RASEF: variants seen among roughly 807,000 people sequenced by gnomAD.
RASEF encodes the protein ras and EF-hand domain-containing protein.
Under a neutral mutation model 90.1 loss-of-function variants are expected in RASEF, and 68 were observed. The observed-to-expected ratio is 0.75, with a 90% confidence interval of 0.62 to 0.92. The LOEUF (loss-of-function observed/expected upper bound fraction) is 0.92, where lower values mean the gene tolerates loss of function less well. Among genes scored for constraint, RASEF ranks in the 40% least tolerant of loss-of-function variants. The probability of loss-of-function intolerance (pLI) is 0.00; values close to 1 mark genes in which losing one functional copy is unlikely to be tolerated. For synonymous variants in RASEF, 331 were observed against 345.2 expected (o/e 0.96, Z 0.46); for missense variants, 949 against 937.2 (o/e 1.01, Z -0.16).
At chr9:83,072,684 T>C in the RASEF span, among the ~76,000 whole-genome samples, 1 of 152,202 alleles carries the variant, frequency 6.6e-6, no homozygotes, top group East Asian at 1.9e-4. Flanking sequence ...AGCATCTAGC[T>C]TGGGAAATAG....
the RASEF span, among the ~76,000 whole-genome samples, chr9:83,069,808 A>G: frequency 3.9e-5 from 6 of 152,230 alleles, no homozygotes; most frequent in African/African-American, 1.4e-4. Context: ...CAGTTGCTCC[A>G]CATTCTTGTC....
chr9:83,161,688 C>T, the RASEF span, among the ~76,000 whole-genome samples: 2 of 151,162 alleles, frequency 1.3e-5, no homozygotes, highest in Non-Finnish European at 3.0e-5. Context: ...GGGACAGGGG[C>T]CAAATGATAG....
At chr9:83,147,376 G>A in the RASEF span, among the ~76,000 whole-genome samples, 14 of 152,076 alleles carry the variant, frequency 9.2e-5, no homozygotes, top group African/African-American at 1.4e-4. Flanking sequence ...GAAGGTCGGC[G>A]CATATTAAAA....
At chr9:83,026,020 G>A (rs1829541856) in intron 1 of RASEF, 99 bp from the exon 2 acceptor site, 1 of 885,870 alleles carries the variant, frequency 1.1e-6, no homozygotes, top group Admixed American at 2.8e-5. Context: ...AAGAACTAAG[G>A]AAAGAAAAAC....
the RASEF span, among the ~76,000 whole-genome samples, chr9:83,209,293 A>C: frequency 6.6e-6 from 1 of 152,238 alleles, no homozygotes; most frequent in Non-Finnish European, 1.5e-5. Flanking sequence ...TGAGGATCCC[A>C]ATGCTTTCAC....
chr9:83,081,887 A>T, the RASEF span, among the ~76,000 whole-genome samples: 36 of 152,318 alleles, frequency 2.4e-4, no homozygotes, highest in African/African-American at 8.4e-4. Flanking sequence ...TTGAATTCAC[A>T]TTTCAGTCAA....
intron 2 of RASEF, among the ~76,000 whole-genome samples, chr9:83,025,383 T>C (rs541071326): frequency 3.3e-5 from 5 of 152,186 alleles, no homozygotes; most frequent in Admixed American, 6.5e-5. Context: ...GTTGCAGGAA[T>C]TGAGACTCAG....
the RASEF span, among the ~76,000 whole-genome samples, chr9:83,204,564 C>G: frequency 6.6e-6 from 1 of 152,148 alleles, no homozygotes; most frequent in African/African-American, 2.4e-5. Context: ...AGAATTGGAC[C>G]ACTTACACTT....
chr9:83,166,630 GC>G, the RASEF span, among the ~76,000 whole-genome samples: 1 of 152,138 alleles, frequency 6.6e-6, no homozygotes. Context: ...TGAGTATATA[GC>G]AACTGTGCAG....
chr9:83,218,050 T>C, the RASEF span, among the ~76,000 whole-genome samples: 1 of 152,188 alleles, frequency 6.6e-6, no homozygotes, highest in African/African-American at 2.4e-5. Flanking sequence ...TGTGGTTGTC[T>C]CTGGTCCTGT....
the RASEF span, among the ~76,000 whole-genome samples, chr9:83,158,500 A>C: frequency 1.5e-4 from 22 of 150,938 alleles, no homozygotes; most frequent in Non-Finnish European, 7.4e-5. Context: ...GACATCTGCT[A>C]ATCAGAATAG....
At chr9:83,197,446 A>C in the RASEF span, among the ~76,000 whole-genome samples, 1 of 152,228 alleles carries the variant, frequency 6.6e-6, no homozygotes, top group African/African-American at 2.4e-5. Context: ...GGGATACAGC[A>C]GTGAACACAA....
chr9:83,192,254 G>A, the RASEF span, among the ~76,000 whole-genome samples: 4 of 152,170 alleles, frequency 2.6e-5, no homozygotes, highest in South Asian at 8.3e-4. Context: ...ACACATGCAT[G>A]TGTATATTCA....
At chr9:83,120,489 AAC>A in the RASEF span, among the ~76,000 whole-genome samples, 1 of 152,188 alleles carries the variant, frequency 6.6e-6, no homozygotes, top group East Asian at 1.9e-4. Flanking sequence ...GAGTAAGCTT[AAC>A]AATGCTGTGG....
chr9:83,045,370 T>C (rs1017512514), intron 1 of RASEF, among the ~76,000 whole-genome samples: 2 of 152,234 alleles, frequency 1.3e-5, no homozygotes, highest in African/African-American at 2.4e-5. Context: ...TTGTTACTGA[T>C]AAGAACCTTA....
At chr9:83,048,777 G>T in intron 1 of RASEF, 1 of 976,872 alleles carries the variant, frequency 1.0e-6, no homozygotes, top group Non-Finnish European at 1.2e-6. Flanking sequence ...TAGTTCTTGA[G>T]GATTTCAAGT....
At position 83,009,694 on chromosome 9, in the gene RASEF, A is replaced by C; in HGVS notation, c.906T>G (p.Ser302Arg). ...EAQTNIAFLQ[S>R]ELDALKSDYA... The stretch of plus-strand genomic sequence containing the variant: ...AATCACTTTTCAAAGCATCTAACTC[A>C]CTCTGAAGAAAGGCTATGTTTGTCT... The change falls in exon 6 of 17, where the codon AGT becomes AGG. Residue 302 changes from serine (S) to arginine (R), a missense_variant. Transcript: ENST00000376447. The C allele has an allele frequency of 1.2e-6, 2 of 1,613,226 alleles. No homozygotes were observed. Among genetic ancestry groups the C allele is most frequent in the Non-Finnish European group, 1.7e-6 (2 of 1,179,502 alleles).
In RASEF at chr9:83,048,720, G is replaced by C; in HGVS notation, c.431+13717C>G. The C allele has an allele frequency of 3.0e-6, 3 of 985,202 alleles. No individual in the cohort carries two copies. In the South Asian group the frequency reaches 1.4e-4, roughly 46 times the overall value. 61.0% of individuals were successfully genotyped at this position (985,202 alleles called of 1,614,324 possible). ...TGCCCTCAATTTAAATGACAGAGGAGATAAATACACATTGAGAAATGAAAC... is the reference window on the plus strand; with the variant it reads ...TGCCCTCAATTTAAATGACAGAGGACATAAATACACATTGAGAAATGAAAC... On this transcript the variant is annotated intron_variant, in intron 1 of 16. Coordinates refer to ENST00000376447, the MANE Select transcript of RASEF (RefSeq NM_152573.4).
At chr9:83,076,170 A>AG in the RASEF span, among the ~76,000 whole-genome samples, 1 of 152,100 alleles carries the variant, frequency 6.6e-6, no homozygotes, top group African/African-American at 2.4e-5. Context: ...GTCTCAGAAA[A>AG]AAAAAAAAAA....
Sources: gnomAD v4.1 joint callset for allele counts (sites outside exome capture counted in the v4.1 genomes callset) on GRCh38, gnomAD v4.1.1 for gene constraint, MANE v1.5 for transcripts, NCBI Gene and HGNC (gene_info 2026-07-23, HGNC 2026-07-21) for gene names.